PPP2R2B: variants seen among roughly 807,000 people sequenced by gnomAD.
PPP2R2B encodes serine/threonine-protein phosphatase 2A 55 kDa regulatory subunit B beta isoform.
PPP2R2B carries 5 observed loss-of-function variants against 46.0 expected under a neutral mutation model. The observed-to-expected ratio is 0.11, with a 90% CI of 0.06 to 0.23. The LOEUF (loss-of-function observed/expected upper bound fraction) is 0.23, where lower values mean the gene tolerates loss of function less well. PPP2R2B is among the 10% of genes least tolerant of loss of function. PPP2R2B has a pLI of 1.00. For synonymous variants in PPP2R2B, 215 were observed against 206.7 expected (o/e 1.04, Z -0.34); for missense variants, 367 against 575.0 (o/e 0.64, Z 3.70).
chr5:146,639,736 T>G (rs1328960940), intron 6 of PPP2R2B, among the ~76,000 whole-genome samples: 1 of 152,262 alleles, frequency 6.6e-6, no homozygotes, highest in Admixed American at 6.5e-5. Flanking sequence ...CTTAACATTT[T>G]TCTTTCAGAT....
chr5:146,762,574 A>G (rs1754230444), intron 2 of PPP2R2B, among the ~76,000 whole-genome samples: 1 of 152,212 alleles, frequency 6.6e-6, no homozygotes, highest in Non-Finnish European at 1.5e-5. Flanking sequence ...TTTCTTACAT[A>G]TCTACATACT....
chr5:146,882,954 A>G (rs1762213836), upstream of PPP2R2B, among the ~76,000 whole-genome samples: 1 of 152,122 alleles, frequency 6.6e-6, no homozygotes, highest in Non-Finnish European at 1.5e-5. Flanking sequence ...CACCCTTGTC[A>G]TGGTCCCCTC....
chr5:146,674,828 C>A (rs1777599207), intron 5 of PPP2R2B, among the ~76,000 whole-genome samples: 1 of 152,100 alleles, frequency 6.6e-6, no homozygotes, highest in Non-Finnish European at 1.5e-5. Context: ...TTTAGAGTAG[C>A]CCAGAAGAAG....
intron 1 of PPP2R2B, among the ~76,000 whole-genome samples, chr5:147,043,753 C>A (rs995753245): frequency 2.6e-5 from 4 of 152,178 alleles, no homozygotes; most frequent in African/African-American, 4.8e-5. Flanking sequence ...TTATGACCAT[C>A]ACCTTACAGA....
chr5:146,936,261 A>G (rs983444778), intron 1 of PPP2R2B, among the ~76,000 whole-genome samples: 2 of 152,112 alleles, frequency 1.3e-5, no homozygotes, highest in African/African-American at 4.8e-5. Context: ...TGCTGTAAGC[A>G]GTGGAGTCAT....
At chr5:146,981,953 G>A (rs546560431) in intron 1 of PPP2R2B, among the ~76,000 whole-genome samples, 15 of 152,286 alleles carry the variant, frequency 9.8e-5, no homozygotes, top group African/African-American at 3.6e-4. Flanking sequence ...GTTGGCCCAG[G>A]TGGTCAGCAT....
chr5:146,764,420 C>T (rs942332657), intron 2 of PPP2R2B, among the ~76,000 whole-genome samples: 1 of 152,070 alleles, frequency 6.6e-6, no homozygotes, highest in East Asian at 1.9e-4. Context: ...CATTCCTTTC[C>T]AACTCAAGCA....
At chr5:146,644,513 C>T (rs1775450278) in intron 6 of PPP2R2B, among the ~76,000 whole-genome samples, 1 of 152,138 alleles carries the variant, frequency 6.6e-6, no homozygotes, top group Non-Finnish European at 1.5e-5. Context: ...ATAGCAGTTT[C>T]CCTGGCTTAA....
chr5:146,908,419 T>G (rs866276041), intron 1 of PPP2R2B, among the ~76,000 whole-genome samples: 2 of 151,560 alleles, frequency 1.3e-5, no homozygotes, highest in African/African-American at 4.9e-5. Flanking sequence ...AAAATTAAAT[T>G]TTTTTTTCTT....
chr5:146,954,062 A>T (rs1378467975), intron 1 of PPP2R2B, among the ~76,000 whole-genome samples: 1 of 151,916 alleles, frequency 6.6e-6, no homozygotes, highest in Non-Finnish European at 1.5e-5. Flanking sequence ...TTTCCCTATA[A>T]ATACCACATT....
intron 2 of PPP2R2B, among the ~76,000 whole-genome samples, chr5:146,819,997 C>G (rs1758159267): frequency 6.6e-6 from 1 of 152,108 alleles, no homozygotes; most frequent in Non-Finnish European, 1.5e-5. Flanking sequence ...CAATCTCACT[C>G]ATATGTGGAA....
intron 4 of PPP2R2B, among the ~76,000 whole-genome samples, chr5:146,694,074 TC>T (rs1168530753): frequency 6.6e-6 from 1 of 152,166 alleles, no homozygotes; most frequent in Non-Finnish European, 1.5e-5. Context: ...ACAGTACCAT[TC>T]GCCTTGAAGC....
intron 2 of PPP2R2B, among the ~76,000 whole-genome samples, chr5:146,711,679 C>T (rs950646639): frequency 6.6e-6 from 1 of 152,082 alleles, no homozygotes; most frequent in Non-Finnish European, 1.5e-5. Flanking sequence ...TGAAAGGACT[C>T]GATTTAATGA....
chr5:146,630,858 C>T (rs927938386), intron 7 of PPP2R2B, among the ~76,000 whole-genome samples: 1 of 152,160 alleles, frequency 6.6e-6, no homozygotes, highest in African/African-American at 2.4e-5. Flanking sequence ...TTATTTAATC[C>T]TCACAAGCAC....
chr5:146,862,237 T>C (rs1378988411), intron 2 of PPP2R2B, among the ~76,000 whole-genome samples: 1 of 152,164 alleles, frequency 6.6e-6, no homozygotes, highest in African/African-American at 2.4e-5. Flanking sequence ...AACTGGCTGC[T>C]CTCCTAACTA....
intron 2 of PPP2R2B, among the ~76,000 whole-genome samples, chr5:147,079,963 C>T (rs1389364904): frequency 1.3e-5 from 2 of 152,048 alleles, no homozygotes; most frequent in Admixed American, 6.6e-5. Flanking sequence ...TATGTGCAAT[C>T]GTATCAATTT....
intron 5 of PPP2R2B, among the ~76,000 whole-genome samples, chr5:146,652,421 C>T (rs1194554369): frequency 6.6e-6 from 1 of 152,144 alleles, no homozygotes; most frequent in Non-Finnish European, 1.5e-5. Flanking sequence ...AGACACAGGT[C>T]CTGGCATCAT....
chr5:146,590,757 G>A (rs534502289), intron 9 of PPP2R2B, among the ~76,000 whole-genome samples: 1 of 152,206 alleles, frequency 6.6e-6, no homozygotes, highest in Non-Finnish European at 1.5e-5. Context: ...ACGAACCCGG[G>A]GCGCGACCTC....
At chr5:146,599,508 C>T (rs1156678295) in intron 8 of PPP2R2B, among the ~76,000 whole-genome samples, 2 of 152,164 alleles carry the variant, frequency 1.3e-5, no homozygotes, top group African/African-American at 2.4e-5. Context: ...GGCAAAACAG[C>T]CTACTGTATA....
Sources: gnomAD v4.1 joint callset for allele counts (sites outside exome capture counted in the v4.1 genomes callset) on GRCh38, gnomAD v4.1.1 for gene constraint, MANE v1.5 for transcripts, NCBI Gene and HGNC (gene_info 2026-07-23, HGNC 2026-07-21) for gene names.